The following ZNF140 variants were observed in gnomAD, a reference collection of about 807,000 sequenced individuals.
ZNF140 encodes zinc finger protein 140 (clone pHZ-39).
ZNF140 carries 13 observed loss-of-function variants against 12.9 expected under a neutral mutation model. The observed-to-expected ratio is 1.01, with a 90% CI of 0.66 to 1.60. The LOEUF (loss-of-function observed/expected upper bound fraction) is 1.60, where lower values mean the gene tolerates loss of function less well. ZNF140 is among the 40% of genes most tolerant of loss of function. The pLI, the probability that ZNF140 is intolerant of heterozygous loss-of-function variation, is 0.00. For synonymous variants in ZNF140, 214 were observed against 186.7 expected (o/e 1.15, Z -1.19); for missense variants, 531 against 548.8 (o/e 0.97, Z 0.32).
chr12:133,085,035 T>G (rs1436723616), intron 4 of ZNF140, among the ~76,000 whole-genome samples: 1 of 152,236 alleles, frequency 6.6e-6, no homozygotes, highest in Non-Finnish European at 1.5e-5. Context: ...ACTTTTTTTT[T>G]TTTTTTGAGA....
rs556807123 is a variant in ZNF140, at chr12:133,106,103, A to G, written c.826A>G (p.Arg276Gly). Reference protein sequence around the residue: ...IHIGKKQYICRKCGKAFSSGS... With the variant: ...IHIGKKQYICGKCGKAFSSGS... ...CATAGGAAAGAAACAATATATATGTAGGAAATGTGGTAAAGCATTTAGCAG... is the reference window on the plus strand; with the variant it reads ...CATAGGAAAGAAACAATATATATGTGGGAAATGTGGTAAAGCATTTAGCAG... The change falls in exon 5 of 5, where the codon AGG becomes GGG. Residue 276 changes from arginine to glycine, a missense_variant. Physicochemically the swap from Arg to Gly is moderately radical, Grantham distance 125. Transcript: ENST00000355557. 2.5e-6 allele frequency: 4 copies of G among 1,614,162 alleles called. No individual in the cohort carries two copies. The African/African-American group carries it at 4.0e-5, about 16-fold the overall frequency.
chr12:133,082,914 T>C lies in ZNF140; in HGVS notation c.10-189T>C, dbSNP rs1323519003. On this transcript the variant is annotated intron_variant, in intron 2 of 4. Coordinates refer to ENST00000355557, the MANE Select transcript of ZNF140 (RefSeq NM_003440.4). Reference sequence around the variant, plus strand: ...GACAGATAATTTATGTTTTTCTCCTTTTCTCCAGTTATACAACAAAACACA... The same window carrying C: ...GACAGATAATTTATGTTTTTCTCCTCTTCTCCAGTTATACAACAAAACACA... 8 of 712,734 alleles carry C rather than the reference T, an allele frequency of 1.1e-5. No individual in the cohort carries two copies. In the African/African-American group the frequency reaches 1.4e-4, roughly 13 times the overall value. 44.2% of individuals were successfully genotyped at this position (712,734 alleles called of 1,614,324 possible). A position where few individuals can be genotyped will look rare whatever the true frequency, so the allele number is the denominator to read the frequency against.
intron 4 of ZNF140, chr12:133,093,315 C>G: frequency 1.6e-6 from 1 of 626,956 alleles, no homozygotes; most frequent in Admixed American, 2.6e-5. Flanking sequence ...TTAGTTGTAG[C>G]GGCTCCTGCA....
At chr12:133,095,678 G>T (rs1335831514) in intron 4 of ZNF140, among the ~76,000 whole-genome samples, 1 of 151,818 alleles carries the variant, frequency 6.6e-6, no homozygotes, top group Non-Finnish European at 1.5e-5. Flanking sequence ...TCAGCAAAAA[G>T]GAATGTAGTA....
intron 4 of ZNF140, among the ~76,000 whole-genome samples, chr12:133,102,804 C>G (rs1955399463): frequency 6.6e-6 from 1 of 150,668 alleles, no homozygotes; most frequent in Non-Finnish European, 1.5e-5. Context: ...TTAATAAGTA[C>G]TGAGTTTCCT....
chr12:133,090,793 CAT>C lies in ZNF140; in HGVS notation c.232+7233_232+7234del, dbSNP rs1319597379. ...TAATAAGGAGAAGGTCAGCAAAAAA[CAT>C]GTGAGCAAAAGAATCTATATCATAA... On this transcript the variant is annotated intron_variant, in intron 4 of 4. Coordinates refer to ENST00000355557, the MANE Select transcript of ZNF140 (RefSeq NM_003440.4). Among the ~76,000 whole-genome samples, 54 of 139,184 alleles carry C rather than the reference CAT, an allele frequency of 3.9e-4. No homozygotes were observed. The East Asian group carries it at 4.9e-3, about 13-fold the overall frequency. The allele number at this position is 139,184 out of a possible 152,430, so 91.3% of individuals were successfully genotyped here. A position where few individuals can be genotyped will look rare whatever the true frequency, so the allele number is the denominator to read the frequency against.
intron 4 of ZNF140, chr12:133,100,952 A>C (rs1955325409): frequency 2.2e-6 from 1 of 452,814 alleles, no homozygotes. Flanking sequence ...TATTTCTGGA[A>C]TTTTCTATTT....
chr12:133,095,949 A>G (rs868690277), intron 4 of ZNF140, among the ~76,000 whole-genome samples: 171 of 151,530 alleles, frequency 1.1e-3, no homozygotes, highest in Non-Finnish European at 2.5e-4. Context: ...ATACCGAGAC[A>G]TTCAGTTCCC....
At chr12:133,101,736 C>A (rs1308643031) in intron 4 of ZNF140, among the ~76,000 whole-genome samples, 1 of 152,218 alleles carries the variant, frequency 6.6e-6, no homozygotes, top group Non-Finnish European at 1.5e-5. Flanking sequence ...AGCCACTGCA[C>A]CTGGCCCATT....
intron 4 of ZNF140, among the ~76,000 whole-genome samples, chr12:133,095,797 T>G (rs554261456): frequency 0.04 from 5,782 of 145,910 alleles, 63 homozygotes; most frequent in Non-Finnish European, 0.055. Flanking sequence ...GTGCACGTAA[T>G]CCAGATTTAT....
At chr12:133,084,171 T>C (rs1954596732) in intron 4 of ZNF140, 1 of 440,964 alleles carries the variant, frequency 2.3e-6, no homozygotes, top group Admixed American at 2.6e-5. Flanking sequence ...CATTTCTTTT[T>C]GTTTTTTCTT....
At chr12:133,091,644 T>G (rs891494171) in intron 4 of ZNF140, among the ~76,000 whole-genome samples, 1 of 150,902 alleles carries the variant, frequency 6.6e-6, no homozygotes, top group Non-Finnish European at 1.5e-5. Flanking sequence ...TGTAGACTAA[T>G]AATAGAAAGG....
In ZNF140 at chr12:133,098,925, C is replaced by G. The variant is rs1242798341; in HGVS notation, c.233-6585C>G. Reference sequence around the variant, plus strand: ...TTGAGACAGAGTCTTGCTCTGTCACCCAGGCTGGAGTGCAGTGGCACTATC... The same window carrying G: ...TTGAGACAGAGTCTTGCTCTGTCACGCAGGCTGGAGTGCAGTGGCACTATC... On this transcript the variant is annotated intron_variant, in intron 4 of 4. Coordinates refer to ENST00000355557, the MANE Select transcript of ZNF140 (RefSeq NM_003440.4). Among the ~76,000 whole-genome samples, 6 of 152,064 alleles carry G rather than the reference C, an allele frequency of 3.9e-5. No homozygotes were observed. The East Asian group carries it at 1.2e-3, about 29-fold the overall frequency.
intron 2 of ZNF140, chr12:133,081,884 C>A (rs1423196160): frequency 5.2e-6 from 1 of 192,642 alleles, no homozygotes; most frequent in Non-Finnish European, 1.1e-5. Context: ...CATCTGAGAA[C>A]GTATTAGAAA....
Position 133,083,490 on chromosome 12 carries a change from T to A in ZNF140, c.161T>A (p.Val54Glu). Residue 54 changes from valine to glutamate, a missense_variant, in exon 4 of 5, where the codon GTG becomes GAG. Transcript: ENST00000355557. ...SLGLSISKPD[V>E]VSLLEQGKEP... ...GGTCTTTCCATTTCTAAGCCAGATG[T>A]GGTTTCCTTATTGGAGCAAGGGAAA... 6.2e-7 allele frequency: 1 copy of A among 1,613,898 alleles called. No homozygotes were observed. The highest frequency in any genetic ancestry group is 8.5e-7 in the Non-Finnish European group (1 of 1,179,916).
At chr12:133,096,687 T>A (rs1371801329) in intron 4 of ZNF140, among the ~76,000 whole-genome samples, 4 of 152,246 alleles carry the variant, frequency 2.6e-5, no homozygotes, top group Admixed American at 1.3e-4. Flanking sequence ...CCTTTTAATC[T>A]TTCTGTTACT....
Position 133,091,112 on chromosome 12 carries a change from A to C in ZNF140, c.232+7551A>C, listed in dbSNP as rs1445011203. ...TCATCCATCTCAGCACAGACCTTTT[A>C]CAGGTGTCGGGCTGGGGGACGGTCA... On this transcript the variant is annotated intron_variant, in intron 4 of 4. Coordinates refer to ENST00000355557, the MANE Select transcript of ZNF140 (RefSeq NM_003440.4). Among the ~76,000 whole-genome samples the C allele has an allele frequency of 4.1e-3, 609 of 148,418 alleles. 3 individuals are homozygous for C. Among genetic ancestry groups the C allele is most frequent in the Middle Eastern group, 7.0e-3 (2 of 286 alleles).
At chr12:133,097,526 C>T (rs954190343) in intron 4 of ZNF140, among the ~76,000 whole-genome samples, 6 of 151,616 alleles carry the variant, frequency 4.0e-5, no homozygotes, top group Non-Finnish European at 8.8e-5. Context: ...ACCTATAGTC[C>T]CAGCTACTCG....
At chr12:133,096,011 T>C (rs1477982042) in intron 4 of ZNF140, among the ~76,000 whole-genome samples, 4 of 149,982 alleles carry the variant, frequency 2.7e-5, no homozygotes, top group East Asian at 2.0e-4. Flanking sequence ...CAAGAGGCTT[T>C]CCTCTTTTAC....
Sources: gnomAD v4.1 joint callset for allele counts (sites outside exome capture counted in the v4.1 genomes callset) on GRCh38, gnomAD v4.1.1 for gene constraint, MANE v1.5 for transcripts, NCBI Gene and HGNC (gene_info 2026-07-23, HGNC 2026-07-21) for gene names.